The following ATP2B4 variants were observed in gnomAD, a reference collection of about 807,000 sequenced individuals.
ATP2B4 encodes the protein ATPase plasma membrane Ca2+ transporting 4.
A neutral mutation model predicts 110.3 loss-of-function variants in ATP2B4; 39 were observed. That is an observed-to-expected ratio of 0.35 (90% confidence interval 0.27 to 0.46). The LOEUF (loss-of-function observed/expected upper bound fraction) is 0.46. ATP2B4 is among the 20% of genes least tolerant of loss of function. The pLI is 1.00. For missense variants in ATP2B4, 1,135 were observed against 1,530.9 expected (o/e 0.74, Z 4.32); for synonymous variants, 538 against 571.7 (o/e 0.94, Z 0.84).
At chr1:203,690,079 A>G (rs896670779) in intron 2 of ATP2B4, among the ~76,000 whole-genome samples, 3 of 152,210 alleles carry the variant, frequency 2.0e-5, no homozygotes, top group Non-Finnish European at 4.4e-5. Flanking sequence ...CAGGCGGGAA[A>G]AAAAATGTGT....
chr1:203,639,914 T>A (rs1663576070), intron 1 of ATP2B4, among the ~76,000 whole-genome samples: 1 of 152,206 alleles, frequency 6.6e-6, no homozygotes, highest in Non-Finnish European at 1.5e-5. Flanking sequence ...ACCTCTCATT[T>A]CAGCCTCTTA....
intron 1 of ATP2B4, among the ~76,000 whole-genome samples, chr1:203,675,081 C>A (rs10900576): frequency 0.74 from 112,312 of 151,984 alleles, 42,288 homozygotes; most frequent in Middle Eastern, 0.86. Flanking sequence ...CCGTGCCCTC[C>A]CAGGCACATT....
intron 6 of ATP2B4, 86 bp from the exon 7 acceptor site, chr1:203,701,958 C>T (rs1665704780): frequency 1.4e-6 from 2 of 1,434,866 alleles, no homozygotes; most frequent in East Asian, 2.3e-5. Context: ...TGTTGTCCTT[C>T]TGGGCTCTGA....
chr1:203,666,364 C>T (rs1437923453), intron 1 of ATP2B4, among the ~76,000 whole-genome samples: 1 of 152,194 alleles, frequency 6.6e-6, no homozygotes, highest in South Asian at 2.1e-4. Flanking sequence ...TGAAAGGGTC[C>T]TGACCAGGGG....
At chr1:203,701,297 C>T (rs990943179) in intron 6 of ATP2B4, among the ~76,000 whole-genome samples, 2 of 152,142 alleles carry the variant, frequency 1.3e-5, no homozygotes, top group African/African-American at 4.8e-5. Context: ...GGGGGTTAAA[C>T]GAACCATCAA....
chr1:203,633,116 TCATGTCATGA>T (rs1169561275), intron 1 of ATP2B4, among the ~76,000 whole-genome samples: 1 of 152,226 alleles, frequency 6.6e-6, no homozygotes, highest in Non-Finnish European at 1.5e-5. Flanking sequence ...TAGAGCATGC[TCATGTCATGA>T]CATGTTGTCA....
chr1:203,695,094 T>C (rs564309664), intron 2 of ATP2B4, among the ~76,000 whole-genome samples: 2 of 152,282 alleles, frequency 1.3e-5, no homozygotes, highest in South Asian at 4.1e-4. Context: ...TAATATCTGA[T>C]GTCTTGGTTT....
At position 203,709,358 on chromosome 1, in the gene ATP2B4, C is replaced by T. The variant is rs1254458414; in HGVS notation, c.1615C>T (p.Leu539=). ...RQVGNKTECA[L]LGFVTDLKQD... is the part of the protein sequence containing the mutation. ...GGTGGGCAACAAGACCGAGTGTGCT[C>T]TGCTAGGCTTTGTCACAGATCTGAA... Residue 539 remains leucine, a synonymous_variant, in exon 11 of 21, where the codon CTG becomes TTG. Transcript: ENST00000357681. 38 of 1,614,080 alleles carry T rather than the reference C, an allele frequency of 2.4e-5. No individual in the cohort carries two copies. The highest frequency in any genetic ancestry group is 3.2e-5 in the Non-Finnish European group (38 of 1,180,040).
chr1:203,682,567 C>T (rs1020672359), intron 1 of ATP2B4, among the ~76,000 whole-genome samples, 175 bp from the exon 2 acceptor site: 4 of 144,800 alleles, frequency 2.8e-5, no homozygotes, highest in African/African-American at 1.0e-4. Flanking sequence ...CAGGAAGGAA[C>T]GGGCCTCTCT....
intron 3 of ATP2B4, 33 bp downstream of exon 3, chr1:203,698,387 A>C (rs1311424015): frequency 1.2e-6 from 2 of 1,606,664 alleles, no homozygotes; most frequent in South Asian, 1.1e-5. Flanking sequence ...CGTGACTCTT[A>C]TCTGGGTTCT....
At position 203,720,629 on chromosome 1, in the gene ATP2B4, A is replaced by T. The variant is rs770985344; in HGVS notation, c.2487A>T (p.Ala829=). The change falls in exon 16 of 21, where the codon GCA becomes GCT. Residue 829 remains alanine (A), a synonymous_variant. Coordinates refer to ENST00000357681, the MANE Select transcript of ATP2B4 (RefSeq NM_001684.5). ...ACAACTTCACCAGCATTGTGAAGGCAGTGATGTGGGGACGAAATGTCTATG... is the reference window on the plus strand; with the variant it reads ...ACAACTTCACCAGCATTGTGAAGGCTGTGATGTGGGGACGAAATGTCTATG... ...TDDNFTSIVK[A]VMWGRNVYDS... is the part of the protein sequence containing the mutation. 1.2e-6 allele frequency: 2 copies of T among 1,614,130 alleles called. No homozygotes were observed. Among genetic ancestry groups the T allele is most frequent in the Admixed American group, 3.3e-5 (2 of 60,024 alleles).
intron 8 of ATP2B4, among the ~76,000 whole-genome samples, chr1:203,704,762 A>G (rs1004404940): frequency 1.3e-5 from 2 of 152,140 alleles, no homozygotes; most frequent in East Asian, 3.9e-4. Context: ...ATACAGGCAT[A>G]AGCCACCGCA....
In ATP2B4 at chr1:203,682,237, ATG is replaced by A. The variant is rs538221360; in HGVS notation, c.-464-497_-464-496del. Reference sequence around the variant, plus strand: ...ATCAAGTTGTCTTCCTTGTGTGTAAATGTGTGTGTTGGGAGTGGGAAGAGTGT... The same window carrying A: ...ATCAAGTTGTCTTCCTTGTGTGTAAATGTGTGTTGGGAGTGGGAAGAGTGT... On this transcript the variant is annotated intron_variant, in intron 1 of 20. Coordinates refer to ENST00000357681, the MANE Select transcript of ATP2B4 (RefSeq NM_001684.5). Among the ~76,000 whole-genome samples the A allele has an allele frequency of 5.3e-5, 8 of 152,180 alleles. No individual in the cohort carries two copies. In the South Asian group the frequency reaches 1.7e-3, roughly 32 times the overall value.
intron 16 of ATP2B4, 113 bp downstream of exon 16, chr1:203,720,853 A>T (rs777102022): frequency 7.8e-7 from 1 of 1,274,988 alleles, no homozygotes. Context: ...TCCCCATGAC[A>T]TTGGGACAGG....
chr1:203,672,339 TTTTTTTTTTTTTTTTTTA>T (rs1418313864), intron 1 of ATP2B4, among the ~76,000 whole-genome samples: 3 of 136,368 alleles, frequency 2.2e-5, no homozygotes, highest in Middle Eastern at 3.3e-3. Flanking sequence ...TTTTTTTTTT[TTTTTTTTTTTTTTTTTTA>T]AAGCTGATTT....
Position 203,629,191 on chromosome 1 carries a change from T to C in ATP2B4, c.-465+1972T>C, listed in dbSNP as rs1371274588. Among the ~76,000 whole-genome samples, 3 of 152,190 alleles carry C rather than the reference T, an allele frequency of 2.0e-5. No homozygotes were observed. The highest frequency in any genetic ancestry group is 4.4e-5 in the Non-Finnish European group (3 of 68,018). ...CTCGGCTAGACAGCTCTTCCCTACCTGTGTTCTGCTCGAGAAGGGAATGAG... is the reference window on the plus strand; with the variant it reads ...CTCGGCTAGACAGCTCTTCCCTACCCGTGTTCTGCTCGAGAAGGGAATGAG... On this transcript the variant is annotated intron_variant, in intron 1 of 20. Coordinates refer to ENST00000357681, the MANE Select transcript of ATP2B4 (RefSeq NM_001684.5). The surrounding 1 kb of genome is among the most constrained non-coding windows in gnomAD (Gnocchi z 4.6).
At chr1:203,721,496 A>G (rs1352843738) in intron 17 of ATP2B4, 86 bp downstream of exon 17, 88 of 1,375,780 alleles carry the variant, frequency 6.4e-5, no homozygotes, top group Non-Finnish European at 8.8e-5. Flanking sequence ...GCAAGTGCAC[A>G]GGTCAGGAAT....
intron 15 of ATP2B4, among the ~76,000 whole-genome samples, chr1:203,717,075 G>A (rs1448587393): frequency 6.7e-6 from 1 of 148,644 alleles, no homozygotes; most frequent in Admixed American, 6.7e-5. Flanking sequence ...GCGGGCGCCT[G>A]TAATCCCAGC....
chr1:203,659,067 T>TA (rs1417837403), intron 1 of ATP2B4, among the ~76,000 whole-genome samples: 2 of 152,168 alleles, frequency 1.3e-5, no homozygotes, highest in African/African-American at 4.8e-5. Flanking sequence ...GTCCTTATAT[T>TA]TTCTAGGGAA....
Sources: gnomAD v4.1 joint callset for allele counts (sites outside exome capture counted in the v4.1 genomes callset) on GRCh38, gnomAD v4.1.1 for gene constraint, Gnocchi (gnomAD v3.1) non-coding constraint, MANE v1.5 for transcripts, NCBI Gene and HGNC (gene_info 2026-07-23, HGNC 2026-07-21) for gene names.